DIS3L2: variants seen among roughly 807,000 people sequenced by gnomAD.
DIS3L2 encodes the protein DIS3 like 3'-5' exoribonuclease 2, also known as DIS3-like exonuclease 2.
DIS3L2 carries 34 observed loss-of-function variants against 97.5 expected under a neutral mutation model. That is an observed-to-expected ratio of 0.35 (90% CI 0.27 to 0.46). The LOEUF (loss-of-function observed/expected upper bound fraction) is 0.46. Ranked by LOEUF, DIS3L2 falls within the 20% of genes least tolerant of loss-of-function variation. The pLI is 1.00. For synonymous variants in DIS3L2, 435 were observed against 445.2 expected (o/e 0.98, Z 0.29); for missense variants, 1,038 against 1,146.0 (o/e 0.91, Z 1.36).
At chr2:232,334,327 C>G in intron 17 of DIS3L2, 42 bp from the exon 18 acceptor site, 1 of 1,601,090 alleles carries the variant, frequency 6.2e-7, no homozygotes, top group African/African-American at 1.3e-5. Flanking sequence ...CTCTTCCCAG[C>G]CCCCCAGGCT....
At chr2:232,213,707 T>G (rs2106222410) in intron 10 of DIS3L2, among the ~76,000 whole-genome samples, 1 of 151,358 alleles carries the variant, frequency 6.6e-6, no homozygotes, top group Non-Finnish European at 1.5e-5. Flanking sequence ...TTAACTTTCC[T>G]TTGGTTTCAT....
At chr2:232,319,598 C>T (rs1325657283) in intron 14 of DIS3L2, among the ~76,000 whole-genome samples, 2 of 152,226 alleles carry the variant, frequency 1.3e-5, no homozygotes, top group African/African-American at 2.4e-5. Context: ...CCAGGAACAA[C>T]AATTCTCACC....
chr2:232,263,008 G>T (rs1339816220), intron 12 of DIS3L2, among the ~76,000 whole-genome samples, 199 bp from the exon 13 acceptor site: 1 of 152,156 alleles, frequency 6.6e-6, no homozygotes, highest in Non-Finnish European at 1.5e-5. Flanking sequence ...TCCACGCCAG[G>T]TGGAGACTAA....
chr2:232,048,665 G>A (rs976865662), intron 5 of DIS3L2, among the ~76,000 whole-genome samples: 1 of 151,876 alleles, frequency 6.6e-6, no homozygotes, highest in South Asian at 2.1e-4. Context: ...CTGGGAGGTG[G>A]AGCTTGCAGT....
At chr2:232,160,484 C>T (rs538370261) in intron 8 of DIS3L2, among the ~76,000 whole-genome samples, 46 of 152,224 alleles carry the variant, frequency 3.0e-4, no homozygotes, top group East Asian at 2.9e-3. Context: ...AAAATGGTGT[C>T]TCCTCTCTCA....
At chr2:231,964,316 T>G (rs1692649890) in intron 1 of DIS3L2, among the ~76,000 whole-genome samples, 1 of 152,218 alleles carries the variant, frequency 6.6e-6, no homozygotes, top group Non-Finnish European at 1.5e-5. Flanking sequence ...GTGTGGTTAG[T>G]ATATTCTGTA....
chr2:232,272,316 C>G (rs1694028144), intron 13 of DIS3L2, among the ~76,000 whole-genome samples: 1 of 152,220 alleles, frequency 6.6e-6, no homozygotes, highest in Admixed American at 6.5e-5. Flanking sequence ...GACAAACTTT[C>G]TACCCTCAAG....
At chr2:231,985,998 G>A (rs1693402062) in intron 1 of DIS3L2, among the ~76,000 whole-genome samples, 2 of 152,214 alleles carry the variant, frequency 1.3e-5, no homozygotes, top group African/African-American at 4.8e-5. Context: ...GGCTTGCTGA[G>A]TCGTCTGGCT....
intron 10 of DIS3L2, among the ~76,000 whole-genome samples, chr2:232,222,879 G>C (rs925906432): frequency 5.3e-5 from 8 of 152,228 alleles, no homozygotes. Context: ...TGGCATGGAA[G>C]TGGGCTTCTG....
intron 9 of DIS3L2, among the ~76,000 whole-genome samples, chr2:232,207,787 C>T (rs2106214805): frequency 6.6e-6 from 1 of 152,250 alleles, no homozygotes; most frequent in African/African-American, 2.4e-5. Context: ...CCAAATGCAT[C>T]TTGTAACAAA....
chr2:232,011,494 A>G (rs1042122173), intron 1 of DIS3L2, among the ~76,000 whole-genome samples: 4 of 151,460 alleles, frequency 2.6e-5, no homozygotes, highest in African/African-American at 9.7e-5. Flanking sequence ...CTGGGAGTAC[A>G]GGCGTGCACC....
intron 14 of DIS3L2, among the ~76,000 whole-genome samples, chr2:232,304,162 G>GT (rs746140396): frequency 0.013 from 1,841 of 145,752 alleles, 28 homozygotes; most frequent in African/African-American, 0.039. Context: ...GTGGTGACTG[G>GT]TTTTTTTTTT....
At chr2:231,975,057 T>G (rs1403886369) in intron 1 of DIS3L2, among the ~76,000 whole-genome samples, 1 of 152,184 alleles carries the variant, frequency 6.6e-6, no homozygotes, top group Admixed American at 6.5e-5. Context: ...TTGAACTGGT[T>G]TATCTACTGT....
intron 5 of DIS3L2, among the ~76,000 whole-genome samples, chr2:232,080,029 G>A (rs755357425): frequency 2.0e-5 from 3 of 152,202 alleles, no homozygotes; most frequent in Non-Finnish European, 4.4e-5. Flanking sequence ...AACTTTATTG[G>A]TCCAAAATGG....
intron 10 of DIS3L2, among the ~76,000 whole-genome samples, chr2:232,232,483 A>T (rs780555315): frequency 1.3e-5 from 2 of 152,204 alleles, no homozygotes; most frequent in Non-Finnish European, 2.9e-5. Context: ...AGGAAGACAT[A>T]TGGGCAGATG....
intron 1 of DIS3L2, among the ~76,000 whole-genome samples, chr2:231,988,775 T>A (rs554645109): frequency 2.0e-5 from 3 of 152,258 alleles, no homozygotes; most frequent in East Asian, 3.9e-4. Context: ...TTCCCAAGAC[T>A]AAGGCCATGA....
intron 10 of DIS3L2, among the ~76,000 whole-genome samples, chr2:232,237,094 A>G (rs1057467600): frequency 6.6e-6 from 1 of 151,796 alleles, no homozygotes; most frequent in African/African-American, 2.4e-5. Flanking sequence ...TAATTGGTTC[A>G]TTTTCTGTAT....
At chr2:232,148,324 T>G (rs931825443) in intron 8 of DIS3L2, among the ~76,000 whole-genome samples, 5 of 152,026 alleles carry the variant, frequency 3.3e-5, no homozygotes, top group African/African-American at 1.2e-4. Context: ...TGGGATTACC[T>G]GTGTGAGCCA....
chr2:232,118,954 A>ATC, intron 6 of DIS3L2, among the ~76,000 whole-genome samples: 2 of 152,326 alleles, frequency 1.3e-5, no homozygotes, highest in South Asian at 4.1e-4. Context: ...CCTTTAATCT[A>ATC]TCTAGCTTCT....
Sources: allele counts gnomAD v4.1 joint callset (sites outside exome capture counted in the v4.1 genomes callset), GRCh38; gene constraint gnomAD v4.1.1; transcripts MANE v1.5; gene names NCBI Gene and HGNC (gene_info 2026-07-23, HGNC 2026-07-21).